CMTR1: variants seen among roughly 807,000 people sequenced by gnomAD.
CMTR1 encodes cap methyltransferase 1, also known as cap-specific mRNA (nucleoside-2'-O-)-methyltransferase 1.
Under a neutral mutation model 107.0 loss-of-function variants are expected in CMTR1, and 39 were observed. The observed-to-expected ratio is 0.36, with a 90% CI of 0.28 to 0.48. CMTR1 has a LOEUF of 0.48. Among genes scored for constraint, CMTR1 ranks in the 20% least tolerant of loss-of-function variants. The pLI, the probability that CMTR1 is intolerant of heterozygous loss-of-function variation, is 0.99. For missense variants in CMTR1, 672 were observed against 1,064.9 expected (o/e 0.63, Z 5.14); for synonymous variants, 366 against 379.5 (o/e 0.96, Z 0.41).
chr6:37,476,111 CTG>C lies in CMTR1; in HGVS notation c.2037-13_2037-12del, dbSNP rs772674270. ...ATCCTTGGCTTGCCTCTCAGAGAGA[CTG>C]TTTGGATTGTAGAATTCAGCTTGCC... On this transcript the variant is annotated splice_polypyrimidine_tract_variant and intron_variant, in intron 19 of 23. Transcript: ENST00000373451. The C allele has an allele frequency of 4.3e-6, 7 of 1,613,924 alleles. No homozygotes were observed. The highest frequency in any genetic ancestry group is 5.1e-6 in the Non-Finnish European group (6 of 1,179,910).
intron 10 of CMTR1, 54 bp downstream of exon 10, chr6:37,459,738 G>A (rs1761363748): frequency 7.7e-7 from 1 of 1,297,812 alleles, no homozygotes; most frequent in African/African-American, 1.5e-5. Flanking sequence ...TATTTTAGAG[G>A]TTTGAGAATT....
chr6:37,458,786 A>G lies in CMTR1; in HGVS notation c.952A>G (p.Ser318Gly). ...GCTGGAGGACTTCTACTCTGCTTCC[A>G]GTGAACTCTTCGAACCCTACTATGG... ...FKLEDFYSASSELFEPYYGEG... is the reference protein window; with the variant it reads ...FKLEDFYSASGELFEPYYGEG... Residue 318 changes from serine to glycine, a missense_variant, in exon 9 of 24, where the codon AGT becomes GGT. This residue lies in a region of CMTR1 where 583 missense variants were observed against 968.4 expected (regional missense o/e 0.60). Coordinates refer to ENST00000373451, the MANE Select transcript of CMTR1 (RefSeq NM_015050.3). The surrounding 1 kb of genome is among the most constrained non-coding windows in gnomAD (Gnocchi z 4.7). 3 of 1,614,134 alleles carry G rather than the reference A, an allele frequency of 1.9e-6. No individual in the cohort carries two copies. The highest frequency in any genetic ancestry group is 2.5e-6 in the Non-Finnish European group (3 of 1,180,040).
chr6:37,467,803 T>G (rs1389482590), intron 13 of CMTR1, among the ~76,000 whole-genome samples: 1 of 152,182 alleles, frequency 6.6e-6, no homozygotes, highest in Non-Finnish European at 1.5e-5. Context: ...AGTGTTTATA[T>G]GGTCTTTTTT....
intron 4 of CMTR1, among the ~76,000 whole-genome samples, chr6:37,449,838 A>G (rs975575503): frequency 2.0e-5 from 3 of 152,218 alleles, no homozygotes; most frequent in Non-Finnish European, 2.9e-5. Flanking sequence ...TTTCTGATAT[A>G]CTTATCTTGT....
intron 8 of CMTR1, among the ~76,000 whole-genome samples, chr6:37,456,428 A>G (rs1271706626): frequency 6.6e-6 from 1 of 152,350 alleles, no homozygotes; most frequent in Non-Finnish European, 1.5e-5. Flanking sequence ...TCACGGGATG[A>G]TGACATTTAT....
At chr6:37,426,148 T>C in the CMTR1 span, among the ~76,000 whole-genome samples, 9 of 152,176 alleles carry the variant, frequency 5.9e-5, no homozygotes, top group African/African-American at 2.2e-4. Flanking sequence ...AGGGTTTTCA[T>C]CTCTTTGTTG....
chr6:37,455,753 ACT>A (rs1235062179), intron 8 of CMTR1, among the ~76,000 whole-genome samples: 1 of 152,108 alleles, frequency 6.6e-6, no homozygotes, highest in African/African-American at 2.4e-5. Flanking sequence ...AAGAGTTTTG[ACT>A]CTGAGGAAGT....
chr6:37,474,772 G>T, intron 18 of CMTR1, 126 bp downstream of exon 18: 1 of 1,426,540 alleles, frequency 7.0e-7, no homozygotes, highest in Non-Finnish European at 9.5e-7. Context: ...CAGGGCTGGG[G>T]TAAGGGTTTA....
intron 3 of CMTR1, among the ~76,000 whole-genome samples, chr6:37,445,484 C>CA (rs778731194): frequency 9.2e-6 from 1 of 109,194 alleles, no homozygotes; most frequent in African/African-American, 4.4e-5. Context: ...CATACCTCAC[C>CA]TTTTTTTTTT....
At chr6:37,461,076 C>G (rs1761394576) in intron 10 of CMTR1, among the ~76,000 whole-genome samples, 2 of 152,184 alleles carry the variant, frequency 1.3e-5, no homozygotes, top group South Asian at 4.1e-4. Flanking sequence ...ATTACTGTGA[C>G]TAGGAAAGTT....
chr6:37,453,979 AATT>A (rs1466619776), intron 8 of CMTR1, among the ~76,000 whole-genome samples: 1 of 152,184 alleles, frequency 6.6e-6, no homozygotes, highest in Non-Finnish European at 1.5e-5. Context: ...GTGGGATCAT[AATT>A]ATAAGGCTTT....
At chr6:37,427,951 T>G in the CMTR1 span, among the ~76,000 whole-genome samples, 2 of 151,184 alleles carry the variant, frequency 1.3e-5, no homozygotes, top group African/African-American at 4.9e-5. This position sits in a 1 kb window ranked among gnomAD's most constrained non-coding sequence, Gnocchi z 4.4. Flanking sequence ...CCATAGTCAT[T>G]CTAATTGTTT....
chr6:37,474,486 C>G lies in CMTR1; in HGVS notation c.1822-38C>G, dbSNP rs746145913. 26 of 1,612,126 alleles carry G rather than the reference C, an allele frequency of 1.6e-5. No homozygotes were observed. In the East Asian group the frequency reaches 5.8e-4, roughly 36 times the overall value. On this transcript the variant is annotated intron_variant, in intron 17 of 23. Transcript: ENST00000373451. ...AGTAAGCCTCTTATCCCTCGATCTC[C>G]ATGCCTTCCTTACCTGGCTGTTTCT...
intron 13 of CMTR1, among the ~76,000 whole-genome samples, chr6:37,463,919 C>T (rs1366589880): frequency 9.2e-5 from 14 of 152,170 alleles, no homozygotes; most frequent in Non-Finnish European, 1.9e-4. Flanking sequence ...CCCAGCGACC[C>T]GCCTGGCTAG....
chr6:37,463,348 A>G (rs1041541623), intron 13 of CMTR1, among the ~76,000 whole-genome samples: 15 of 152,294 alleles, frequency 9.8e-5, no homozygotes, highest in Non-Finnish European at 2.2e-4. Context: ...GTAAAAGGCC[A>G]TCATGCTTGT....
rs1771446078 is a variant in CMTR1, at chr6:37,433,611, A to C, written c.-7+234A>C. The stretch of plus-strand genomic sequence containing the variant: ...CACACGCTCATGTTATCTTCAAATG[A>C]AGGGACTGGCCGGGAGACATGGGAG... On this transcript the variant is annotated intron_variant, in intron 1 of 23. Transcript: ENST00000373451. 2.6e-5 allele frequency among the ~76,000 whole-genome samples: 4 copies of C among 152,208 alleles called. No individual in the cohort carries two copies. The South Asian group carries it at 8.3e-4, about 31-fold the overall frequency.
intron 13 of CMTR1, among the ~76,000 whole-genome samples, chr6:37,469,906 T>C (rs1761587932): frequency 6.6e-6 from 1 of 150,634 alleles, no homozygotes; most frequent in Non-Finnish European, 1.5e-5. Flanking sequence ...TTGTCCCCAA[T>C]ACCTAGATGA....
intron 5 of CMTR1, among the ~76,000 whole-genome samples, chr6:37,450,644 C>T (rs1457145703): frequency 3.9e-5 from 6 of 152,100 alleles, no homozygotes; most frequent in African/African-American, 2.4e-5. Flanking sequence ...TCTGTGTATT[C>T]TGATCACTGC....
At chr6:37,460,447 C>G (rs1411013211) in intron 10 of CMTR1, among the ~76,000 whole-genome samples, 1 of 151,624 alleles carries the variant, frequency 6.6e-6, no homozygotes, top group African/African-American at 2.4e-5. Flanking sequence ...AATGAGGCAG[C>G]TGTTGCTGTG....
Sources: gnomAD v4.1 joint callset for allele counts (sites outside exome capture counted in the v4.1 genomes callset) on GRCh38, gnomAD v4.1.1 for gene constraint, gnomAD v4.1.1 regional missense constraint, Gnocchi (gnomAD v3.1) non-coding constraint, MANE v1.5 for transcripts, NCBI Gene and HGNC (gene_info 2026-07-23, HGNC 2026-07-21) for gene names.